The following FBXL7 variants were observed in gnomAD, a reference collection of about 807,000 sequenced individuals.
FBXL7 encodes the protein F-box/LRR-repeat protein 7.
FBXL7 carries 12 observed loss-of-function variants against 38.3 expected under a neutral mutation model. The observed-to-expected ratio is 0.31, with a 90% CI of 0.20 to 0.51. The LOEUF is 0.51. Ranked by LOEUF, FBXL7 falls within the 20% of genes least tolerant of loss-of-function variation. The probability of loss-of-function intolerance (pLI) is 0.98; values close to 1 mark genes in which losing one functional copy is unlikely to be tolerated. For synonymous variants in FBXL7, 297 were observed against 300.9 expected, an observed-to-expected ratio of 0.99 and a Z score of 0.13; for missense variants, 567 against 676.4, an observed-to-expected ratio of 0.84 and a Z score of 1.79.
intron 2 of FBXL7, among the ~76,000 whole-genome samples, chr5:15,642,711 C>G (rs1302156869): frequency 6.6e-6 from 1 of 152,078 alleles, no homozygotes; most frequent in East Asian, 1.9e-4. Flanking sequence ...AGGAGACAGA[C>G]CTAGATAGGC....
At position 15,611,047 on chromosome 5, in the gene FBXL7, T is replaced by C. The variant is rs552067258; in HGVS notation, c.38-4936T>C. On this transcript the variant is annotated intron_variant, in intron 1 of 3. Coordinates refer to ENST00000504595, the MANE Select transcript of FBXL7 (RefSeq NM_012304.5). ...GCGGGCTGCAAGCTGCAAAATCACATGTAATACAAGATGACACAGTGTCAG... is the reference window on the plus strand; with the variant it reads ...GCGGGCTGCAAGCTGCAAAATCACACGTAATACAAGATGACACAGTGTCAG... Among the ~76,000 whole-genome samples, 4 of 152,310 alleles carry C rather than the reference T, an allele frequency of 2.6e-5. No homozygotes were observed. In the South Asian group the frequency reaches 8.3e-4, roughly 32 times the overall value.
intron 1 of FBXL7, chr5:15,501,492 C>CA: frequency 1.0e-6 from 1 of 985,520 alleles, no homozygotes; most frequent in Non-Finnish European, 1.2e-6. Context: ...ACGCATAAGG[C>CA]AAAGGCATTT....
chr5:15,634,982 C>T (rs1177018128), intron 2 of FBXL7, among the ~76,000 whole-genome samples: 1 of 152,066 alleles, frequency 6.6e-6, no homozygotes, highest in Non-Finnish European at 1.5e-5. Flanking sequence ...AGTTCCCTTA[C>T]CACATAAAGT....
At chr5:15,671,468 T>A (rs895515388) in intron 2 of FBXL7, among the ~76,000 whole-genome samples, 5 of 152,290 alleles carry the variant, frequency 3.3e-5, no homozygotes, top group African/African-American at 1.2e-4. Flanking sequence ...TTTTGTTTTT[T>A]AAAAAATAAG....
chr5:15,585,189 A>G (rs1265870568), intron 1 of FBXL7, among the ~76,000 whole-genome samples: 1 of 152,224 alleles, frequency 6.6e-6, no homozygotes, highest in Non-Finnish European at 1.5e-5. Flanking sequence ...AACACATTCT[A>G]TAAGAAGGGG....
intron 1 of FBXL7, chr5:15,501,697 C>G (rs1285075374): frequency 2.0e-6 from 2 of 985,294 alleles, no homozygotes; most frequent in East Asian, 1.1e-4. Flanking sequence ...TCATCCTGTT[C>G]GAAACTTTGA....
chr5:15,886,678 T>A (rs2126358573), intron 2 of FBXL7, among the ~76,000 whole-genome samples: 1 of 152,284 alleles, frequency 6.6e-6, no homozygotes, highest in East Asian at 1.9e-4. Flanking sequence ...AAACCAAGGA[T>A]CTTCCACTTC....
intron 1 of FBXL7, among the ~76,000 whole-genome samples, chr5:15,550,896 CT>C (rs1249944093): frequency 6.6e-6 from 1 of 152,218 alleles, no homozygotes; most frequent in Non-Finnish European, 1.5e-5. Context: ...CTGACCTCCC[CT>C]TTGGAGCAGC....
At chr5:15,627,510 G>C (rs1166989606) in intron 2 of FBXL7, among the ~76,000 whole-genome samples, 2 of 152,188 alleles carry the variant, frequency 1.3e-5, no homozygotes, top group Non-Finnish European at 2.9e-5. Context: ...GGCTCACAAA[G>C]TGTGTTAAAG....
At chr5:15,575,918 C>A (rs2126459623) in intron 1 of FBXL7, among the ~76,000 whole-genome samples, 1 of 152,232 alleles carries the variant, frequency 6.6e-6, no homozygotes, top group Middle Eastern at 3.4e-3. Flanking sequence ...AAATTATTGG[C>A]AATTGACATT....
At chr5:15,743,531 G>A (rs765839276) in intron 2 of FBXL7, among the ~76,000 whole-genome samples, 2 of 152,240 alleles carry the variant, frequency 1.3e-5, no homozygotes, top group Non-Finnish European at 2.9e-5. Context: ...GCAGGGTACA[G>A]CACCCCCTCC....
At chr5:15,668,301 T>C (rs1251218242) in intron 2 of FBXL7, among the ~76,000 whole-genome samples, 2 of 152,110 alleles carry the variant, frequency 1.3e-5, no homozygotes, top group Non-Finnish European at 2.9e-5. Flanking sequence ...ACGTTTTTCC[T>C]CAAGATCATG....
intron 2 of FBXL7, among the ~76,000 whole-genome samples, chr5:15,851,574 A>G (rs1463158732): frequency 1.3e-5 from 2 of 152,166 alleles, no homozygotes; most frequent in African/African-American, 2.4e-5. Context: ...TGGGGGTTGT[A>G]GTCACCCTGA....
At chr5:15,762,207 G>C (rs1046104395) in intron 2 of FBXL7, among the ~76,000 whole-genome samples, 6 of 152,190 alleles carry the variant, frequency 3.9e-5, no homozygotes, top group Non-Finnish European at 8.8e-5. Context: ...GTTGGCCAGA[G>C]ACCATCCTCA....
intron 2 of FBXL7, among the ~76,000 whole-genome samples, chr5:15,684,638 A>T (rs58200321): frequency 2.0e-5 from 3 of 152,162 alleles, no homozygotes; most frequent in African/African-American, 7.2e-5. Flanking sequence ...TGGTGTCCTT[A>T]TAAGAGCAAA....
rs1742224534 is a variant in FBXL7, at chr5:15,937,279, A to G, written c.*93A>G. On this transcript the variant is annotated 3_prime_UTR_variant, in exon 4 of 4. Transcript: ENST00000504595. The stretch of plus-strand genomic sequence containing the variant: ...GTATGTAAGCACCGACACCCACTCA[A>G]AACAGCTCTTTCTTCCGGGAAGGTT... 1 of 1,372,120 alleles carries G rather than the reference A, an allele frequency of 7.3e-7. No individual in the cohort carries two copies. The highest frequency in any genetic ancestry group is 1.5e-5 in the African/African-American group (1 of 68,484). The allele number at this position is 1,372,120 out of a possible 1,614,324, so 85.0% of individuals were successfully genotyped here. A position where few individuals can be genotyped will look rare whatever the true frequency, so the allele number is the denominator to read the frequency against.
chr5:15,523,467 G>A (rs2075792674), intron 1 of FBXL7, among the ~76,000 whole-genome samples: 1 of 152,020 alleles, frequency 6.6e-6, no homozygotes, highest in African/African-American at 2.4e-5. Flanking sequence ...GCTGAGGCAG[G>A]AGAATGGCGT....
intron 2 of FBXL7, among the ~76,000 whole-genome samples, chr5:15,735,696 A>G (rs1019484953): frequency 6.6e-6 from 1 of 152,236 alleles, no homozygotes; most frequent in Non-Finnish European, 1.5e-5. Flanking sequence ...TTCAAGGATA[A>G]TGAATGTCCG....
At chr5:15,523,864 G>A (rs975932399) in intron 1 of FBXL7, among the ~76,000 whole-genome samples, 1 of 152,214 alleles carries the variant, frequency 6.6e-6, no homozygotes, top group African/African-American at 2.4e-5. Context: ...GCGGCGTTCT[G>A]CTGGCAGCAT....
Sources: gnomAD v4.1 joint callset for allele counts (sites outside exome capture counted in the v4.1 genomes callset) on GRCh38, gnomAD v4.1.1 for gene constraint, MANE v1.5 for transcripts, NCBI Gene and HGNC (gene_info 2026-07-23, HGNC 2026-07-21) for gene names.